MYO18B: variants seen among roughly 807,000 people sequenced by gnomAD.
MYO18B encodes the protein myosin XVIIIB.
Under a neutral mutation model 273.0 loss-of-function variants are expected in MYO18B, and 204 were observed. The ratio of observed to expected loss-of-function variants is 0.75; its 90% CI spans 0.67 to 0.84. The LOEUF is 0.84. Ranked by LOEUF, MYO18B falls within the 40% of genes least tolerant of loss-of-function variation. MYO18B has a pLI of 0.00. For synonymous variants in MYO18B, 1,330 were observed against 1,305.7 expected, an observed-to-expected ratio of 1.02 and a Z score of -0.40; for missense variants, 3,212 against 3,287.6, an observed-to-expected ratio of 0.98 and a Z score of 0.56.
chr22:25,774,444 C>G (rs1440339351), intron 7 of MYO18B, among the ~76,000 whole-genome samples: 1 of 152,182 alleles, frequency 6.6e-6, no homozygotes, highest in African/African-American at 2.4e-5. Context: ...TTTTATAGAC[C>G]CAGATAGCAA....
At chr22:25,839,224 G>GTA (rs773816640) in intron 17 of MYO18B, among the ~76,000 whole-genome samples, 10 of 151,864 alleles carry the variant, frequency 6.6e-5, no homozygotes, top group Admixed American at 2.0e-4. Flanking sequence ...ATATGTGTGT[G>GTA]TATATATGTA....
intron 39 of MYO18B, 23 bp downstream of exon 39, chr22:25,955,387 G>A: frequency 1.9e-6 from 3 of 1,592,184 alleles, no homozygotes; most frequent in African/African-American, 2.7e-5. Flanking sequence ...CCCATCATGG[G>A]CTCTTAGCGA....
intron 42 of MYO18B, among the ~76,000 whole-genome samples, chr22:26,022,292 A>C (rs1254968438): frequency 2.0e-5 from 3 of 150,288 alleles, no homozygotes; most frequent in African/African-American, 7.4e-5. Context: ...AAAGACTCTT[A>C]CTGGTCCCCG....
rs759656351 is a variant in MYO18B, at chr22:25,832,980, G to C, written c.3043G>C (p.Asp1015His). ...PSPGTTVAVV[D>H]QNPSQVRLPA... ...CCCAGGGACCACCGTGGCTGTTGTG[G>C]ATCAAAATCCCTCTCAGGTAACACA... The change falls in exon 16 of 44, where the codon GAT becomes CAT. Residue 1015 changes from aspartate to histidine, a missense_variant. Transcript: ENST00000335473. 3.1e-6 allele frequency: 5 copies of C among 1,613,730 alleles called. No homozygotes were observed. In the African/African-American group the frequency reaches 6.7e-5, roughly 22 times the overall value.
intron 12 of MYO18B, among the ~76,000 whole-genome samples, chr22:25,814,699 C>G (rs2088926332): frequency 6.6e-6 from 1 of 152,018 alleles, no homozygotes; most frequent in Admixed American, 6.5e-5. Context: ...CTGGACTCAT[C>G]ATTCAGAGAC....
chr22:25,805,832 C>A (rs1006265214), intron 12 of MYO18B, among the ~76,000 whole-genome samples: 1 of 152,192 alleles, frequency 6.6e-6, no homozygotes, highest in African/African-American at 2.4e-5. Flanking sequence ...CTCCCGCTGT[C>A]CCTACTTCCC....
At chr22:25,997,566 A>C (rs1933426432) in intron 40 of MYO18B, among the ~76,000 whole-genome samples, 1 of 152,178 alleles carries the variant, frequency 6.6e-6, no homozygotes, top group Non-Finnish European at 1.5e-5. Flanking sequence ...TGTAGACTTC[A>C]GTAATATCAT....
intron 2 of MYO18B, among the ~76,000 whole-genome samples, chr22:25,761,749 GCCTGCC>G (rs957091896): frequency 2.0e-5 from 3 of 152,152 alleles, no homozygotes; most frequent in Non-Finnish European, 2.9e-5. Context: ...GCTGCCTCCT[GCCTGCC>G]CCTGCCCCTG....
the MYO18B span, among the ~76,000 whole-genome samples, chr22:26,037,827 G>A: frequency 7.2e-5 from 11 of 152,330 alleles, no homozygotes; most frequent in Admixed American, 6.5e-4. Flanking sequence ...CTTGCTGCTG[G>A]TGTTTCACTG....
intron 21 of MYO18B, among the ~76,000 whole-genome samples, chr22:25,865,555 A>G (rs978143776): frequency 2.6e-5 from 4 of 152,226 alleles, no homozygotes; most frequent in Non-Finnish European, 4.4e-5. Context: ...ACTATATGCC[A>G]GGTGCTATGT....
intron 18 of MYO18B, 48 bp downstream of exon 18, chr22:25,843,942 G>A: frequency 6.5e-7 from 1 of 1,546,412 alleles, no homozygotes; most frequent in Non-Finnish European, 8.8e-7. Context: ...TGGAGGCACT[G>A]TGTTTTCCTT....
intron 34 of MYO18B, among the ~76,000 whole-genome samples, chr22:25,935,653 C>T (rs932043112): frequency 6.6e-6 from 1 of 152,040 alleles, no homozygotes; most frequent in African/African-American, 2.4e-5. Context: ...AATTGGGCTT[C>T]CCTTGTTTCT....
At chr22:25,766,888 C>T (rs1280897169) in intron 3 of MYO18B, among the ~76,000 whole-genome samples, 2 of 152,202 alleles carry the variant, frequency 1.3e-5, no homozygotes, top group African/African-American at 4.8e-5. Context: ...GAAGGGACAG[C>T]AGTTCACGGG....
At chr22:26,057,792 G>C in the MYO18B span, among the ~76,000 whole-genome samples, 1 of 152,160 alleles carries the variant, frequency 6.6e-6, no homozygotes, top group South Asian at 2.1e-4. Context: ...TTAATTAGCA[G>C]TAACACTAAT....
chr22:25,831,680 G>C (rs952632570), intron 15 of MYO18B, among the ~76,000 whole-genome samples: 4 of 152,176 alleles, frequency 2.6e-5, no homozygotes, highest in African/African-American at 9.7e-5. Flanking sequence ...ACAGCATCCG[G>C]CTTCTGGTGA....
At chr22:25,744,524 G>A (rs981035200) in intron 1 of MYO18B, among the ~76,000 whole-genome samples, 6 of 152,190 alleles carry the variant, frequency 3.9e-5, no homozygotes, top group African/African-American at 1.4e-4. Flanking sequence ...GAGGTCAGGA[G>A]ATCGAGACCA....
chr22:25,947,537 CACACA>C lies in MYO18B; in HGVS notation c.5632-174_5632-170del, dbSNP rs1569223386. Among the ~76,000 whole-genome samples, 290 of 144,262 alleles carry C rather than the reference CACACA, an allele frequency of 2.0e-3. 2 individuals carry two copies. Among genetic ancestry groups the C allele is most frequent in the African/African-American group, 6.1e-3 (221 of 36,300 alleles). The allele number at this position is 144,262 out of a possible 152,430, so 94.6% of individuals were successfully genotyped here. ...ACACACACACACACACACACACACA[CACACA>C]CCAAGCTGTTATACCTACCACATGC... On this transcript the variant is annotated intron_variant, in intron 35 of 43. Transcript: ENST00000335473.
chr22:25,969,605 G>GA (rs796863871), intron 39 of MYO18B, among the ~76,000 whole-genome samples: 64 of 151,220 alleles, frequency 4.2e-4, no homozygotes, highest in Non-Finnish European at 6.6e-4. Flanking sequence ...GTCCTTTACA[G>GA]AAAAAAAAAT....
chr22:25,794,860 C>T lies in MYO18B; in HGVS notation c.2377-3093C>T, dbSNP rs558306480. On this transcript the variant is annotated intron_variant, in intron 11 of 43. Transcript: ENST00000335473. Reference sequence around the variant, plus strand: ...CTATCTGCCAGATCAAGATACAGAACATTCCTCCTTCCATGAAAGGCTCCT... The same window carrying T: ...CTATCTGCCAGATCAAGATACAGAATATTCCTCCTTCCATGAAAGGCTCCT... Among the ~76,000 whole-genome samples, 3 of 152,324 alleles carry T rather than the reference C, an allele frequency of 2.0e-5. No individual in the cohort carries two copies. In the East Asian group the frequency reaches 5.8e-4, roughly 29 times the overall value.
Sources: allele counts gnomAD v4.1 joint callset (sites outside exome capture counted in the v4.1 genomes callset), GRCh38; gene constraint gnomAD v4.1.1; transcripts MANE v1.5; gene names NCBI Gene and HGNC (gene_info 2026-07-23, HGNC 2026-07-21).